RBFOX1: variants seen among roughly 807,000 people sequenced by gnomAD.
RBFOX1 encodes RNA binding fox-1 homolog 1.
A neutral mutation model predicts 57.7 loss-of-function variants in RBFOX1; 8 were observed. The observed-to-expected ratio is 0.14, with a 90% CI of 0.08 to 0.25. The LOEUF is 0.25. RBFOX1 is among the 10% of genes least tolerant of loss of function. RBFOX1 has a pLI of 1.00. For synonymous variants in RBFOX1, 326 were observed against 222.4 expected, an observed-to-expected ratio of 1.47 and a Z score of -4.15; for missense variants, 611 against 548.5, an observed-to-expected ratio of 1.11 and a Z score of -1.14.
At chr16:6,710,474 C>T (rs183435168) in intron 3 of RBFOX1, among the ~76,000 whole-genome samples, 21 of 152,294 alleles carry the variant, frequency 1.4e-4, no homozygotes, top group Admixed American at 1.4e-3. Context: ...GCGTTTCATG[C>T]TGACAGTGCA....
chr16:7,355,575 T>C (rs2146254989), intron 4 of RBFOX1, among the ~76,000 whole-genome samples: 1 of 152,332 alleles, frequency 6.6e-6, no homozygotes, highest in Non-Finnish European at 1.5e-5. Flanking sequence ...ATTTTGCTCA[T>C]TGCTTTTATT....
chr16:5,861,556 C>T (rs2057214009), intron 3 of RBFOX1, among the ~76,000 whole-genome samples: 1 of 152,226 alleles, frequency 6.6e-6, no homozygotes, highest in Admixed American at 6.5e-5. Context: ...AATGAATGTC[C>T]ATTGTGTTGG....
intron 1 of RBFOX1, among the ~76,000 whole-genome samples, chr16:6,090,537 C>G (rs536240954): frequency 1.3e-5 from 2 of 152,292 alleles, no homozygotes; most frequent in East Asian, 3.9e-4. Context: ...ACCTTGGTCC[C>G]CAATTAATGA....
intron 2 of RBFOX1, among the ~76,000 whole-genome samples, chr16:6,538,031 A>G (rs1214907149): frequency 6.6e-6 from 1 of 151,796 alleles, no homozygotes; most frequent in Non-Finnish European, 1.5e-5. Flanking sequence ...TTATTCAGGT[A>G]AAATTCACAT....
intron 4 of RBFOX1, among the ~76,000 whole-genome samples, chr16:7,183,774 C>T (rs891646124): frequency 6.6e-6 from 1 of 152,204 alleles, no homozygotes; most frequent in Non-Finnish European, 1.5e-5. Context: ...GAGGACATTT[C>T]ATCTCCTTTC....
intron 2 of RBFOX1, among the ~76,000 whole-genome samples, chr16:6,546,676 T>C (rs777610042): frequency 2.4e-4 from 37 of 152,336 alleles, no homozygotes; most frequent in Non-Finnish European, 3.5e-4. Flanking sequence ...TTGATTCCTT[T>C]CTGTAGATTC....
At chr16:7,235,816 C>T (rs2093737538) in intron 4 of RBFOX1, among the ~76,000 whole-genome samples, 2 of 152,126 alleles carry the variant, frequency 1.3e-5, no homozygotes, top group African/African-American at 2.4e-5. Context: ...AAAATAATGC[C>T]TTATTCTGAC....
chr16:5,280,970 G>A (rs1380986509), intron 1 of RBFOX1, among the ~76,000 whole-genome samples: 1 of 146,078 alleles, frequency 6.8e-6, no homozygotes, highest in Non-Finnish European at 1.5e-5. Flanking sequence ...TTTCTTTCTA[G>A]TAATTGTGTG....
chr16:6,497,511 A>G (rs1777670338), intron 2 of RBFOX1, among the ~76,000 whole-genome samples: 1 of 151,954 alleles, frequency 6.6e-6, no homozygotes, highest in South Asian at 2.1e-4. Context: ...GAGCAAGGAC[A>G]TGTGGAATAA....
At chr16:7,552,073 T>C (rs1348378345) in intron 5 of RBFOX1, among the ~76,000 whole-genome samples, 1 of 152,248 alleles carries the variant, frequency 6.6e-6, no homozygotes, top group African/African-American at 2.4e-5. Context: ...ATTTTCATTG[T>C]CACGTGTGTC....
At chr16:7,184,547 G>A (rs1196574970) in intron 4 of RBFOX1, among the ~76,000 whole-genome samples, 1 of 152,202 alleles carries the variant, frequency 6.6e-6, no homozygotes, top group African/African-American at 2.4e-5. Flanking sequence ...ATTGAAGTAT[G>A]ACATATTGGC....
intron 3 of RBFOX1, among the ~76,000 whole-genome samples, chr16:6,994,270 C>T (rs766504397): frequency 1.3e-5 from 2 of 152,158 alleles, no homozygotes; most frequent in Admixed American, 6.5e-5. Flanking sequence ...TAATGGAATT[C>T]TGCCTTCCGA....
chr16:6,175,172 C>A (rs11861561), intron 1 of RBFOX1, among the ~76,000 whole-genome samples: 1 of 152,084 alleles, frequency 6.6e-6, no homozygotes, highest in African/African-American at 2.4e-5. Flanking sequence ...AGCTTATATT[C>A]ATATTCATAA....
intron 4 of RBFOX1, among the ~76,000 whole-genome samples, chr16:7,486,117 CTT>C (rs61448458): frequency 1.6e-3 from 123 of 77,326 alleles, no homozygotes; most frequent in African/African-American, 5.8e-3. Context: ...GTGTTTGTGT[CTT>C]TTTTTTTTTT....
chr16:7,678,929 AAACC>A (rs559912103), intron 14 of RBFOX1, among the ~76,000 whole-genome samples: 3 of 152,324 alleles, frequency 2.0e-5, no homozygotes, highest in African/African-American at 7.2e-5. Context: ...TCAGTTGAAG[AAACC>A]AACTAACTAA....
intron 1 of RBFOX1, among the ~76,000 whole-genome samples, chr16:6,222,217 C>G (rs1168681723): frequency 6.6e-6 from 1 of 152,084 alleles, no homozygotes; most frequent in Non-Finnish European, 1.5e-5. Context: ...TGAAATAACT[C>G]TCGTGGGTCT....
chr16:6,557,699 C>G (rs1470798339), intron 2 of RBFOX1, among the ~76,000 whole-genome samples: 2 of 152,206 alleles, frequency 1.3e-5, no homozygotes, highest in Non-Finnish European at 2.9e-5. Flanking sequence ...TCATTGCAAA[C>G]TGCAGCCCAG....
intron 3 of RBFOX1, among the ~76,000 whole-genome samples, chr16:6,804,629 G>A (rs2086288593): frequency 6.6e-6 from 1 of 152,138 alleles, no homozygotes; most frequent in Admixed American, 6.5e-5. Context: ...CTTTCATTAG[G>A]ATGTCAGTAA....
At chr16:6,574,122 A>T (rs980822586) in intron 2 of RBFOX1, among the ~76,000 whole-genome samples, 1 of 152,008 alleles carries the variant, frequency 6.6e-6, no homozygotes, top group Non-Finnish European at 1.5e-5. Context: ...TGAGCTGCAC[A>T]CTCAAGGAGA....
Sources: allele counts gnomAD v4.1 joint callset (sites outside exome capture counted in the v4.1 genomes callset), GRCh38; gene constraint gnomAD v4.1.1; transcripts MANE v1.5; gene names NCBI Gene and HGNC (gene_info 2026-07-23, HGNC 2026-07-21).